The following LDLRAD3 variants were observed in gnomAD, a reference collection of about 807,000 sequenced individuals.
LDLRAD3 encodes the protein low density lipoprotein receptor class A domain containing 3.
In LDLRAD3, 20 loss-of-function variants were observed where a neutral mutation model predicts 29.4. The ratio of observed to expected loss-of-function variants is 0.68; its 90% CI spans 0.48 to 0.99. LDLRAD3 has a LOEUF of 0.99. Among genes scored for constraint, LDLRAD3 ranks in the 50% least tolerant of loss-of-function variants. The pLI, the probability that LDLRAD3 is intolerant of heterozygous loss-of-function variation, is 0.00. For missense variants in LDLRAD3, 420 were observed against 454.3 expected (o/e 0.92, Z 0.69); for synonymous variants, 157 against 192.7 (o/e 0.81, Z 1.53).
At chr11:36,040,210 G>A (rs1276476889) in intron 2 of LDLRAD3, among the ~76,000 whole-genome samples, 1 of 152,162 alleles carries the variant, frequency 6.6e-6, no homozygotes, top group African/African-American at 2.4e-5. Flanking sequence ...GCAAGAAAGA[G>A]CCTGGAGAGG....
At chr11:36,114,863 G>C (rs149231477) in intron 4 of LDLRAD3, among the ~76,000 whole-genome samples, 2 of 152,202 alleles carry the variant, frequency 1.3e-5, no homozygotes, top group African/African-American at 4.8e-5. Flanking sequence ...CAATTTTAAA[G>C]TACATCCACA....
At chr11:36,042,713 T>C (rs1399636936) in intron 2 of LDLRAD3, among the ~76,000 whole-genome samples, 1 of 152,216 alleles carries the variant, frequency 6.6e-6, no homozygotes, top group Non-Finnish European at 1.5e-5. Context: ...CCTAATCCAA[T>C]ACGACTGGAG....
chr11:36,090,341 A>G (rs929542261), intron 3 of LDLRAD3, among the ~76,000 whole-genome samples: 14 of 152,184 alleles, frequency 9.2e-5, no homozygotes, highest in Non-Finnish European at 7.3e-5. Context: ...CAGTAGGACC[A>G]CAGGAAGAGG....
chr11:36,191,570 C>CTA (rs1406416790), intron 4 of LDLRAD3, among the ~76,000 whole-genome samples: 49 of 78,280 alleles, frequency 6.3e-4, no homozygotes, highest in African/African-American at 8.4e-4. Context: ...CTCTCTCTCT[C>CTA]TCTCTCTATA....
At position 35,977,526 on chromosome 11, in the gene LDLRAD3, T is replaced by C. The variant is rs115829903; in HGVS notation, c.46+33382T>C. Among the ~76,000 whole-genome samples, 1,241 of 152,234 alleles carry C rather than the reference T, an allele frequency of 8.2e-3. 14 individuals carry two copies. Among genetic ancestry groups the C allele is most frequent in the African/African-American group, 0.028 (1,182 of 41,540 alleles). On this transcript the variant is annotated intron_variant, in intron 1 of 5. Transcript: ENST00000315571. Reference sequence around the variant, plus strand: ...TTCTGAAAACTTCACAGGGCTATTTTACAGAAAATATGATCATTCTCCCAA... The same window carrying C: ...TTCTGAAAACTTCACAGGGCTATTTCACAGAAAATATGATCATTCTCCCAA...
chr11:36,015,700 C>T (rs1314399898), intron 1 of LDLRAD3, among the ~76,000 whole-genome samples: 1 of 151,242 alleles, frequency 6.6e-6, no homozygotes, highest in Non-Finnish European at 1.5e-5. Context: ...ATCACAGATT[C>T]CTTTCTTCTG....
chr11:36,191,152 A>G (rs147655007), intron 4 of LDLRAD3, among the ~76,000 whole-genome samples: 2 of 152,294 alleles, frequency 1.3e-5, no homozygotes, highest in Non-Finnish European at 2.9e-5. Flanking sequence ...AAGGGCCATC[A>G]CAGGGTGGCG....
chr11:36,013,041 T>C (rs558494870), intron 1 of LDLRAD3, among the ~76,000 whole-genome samples: 12 of 152,252 alleles, frequency 7.9e-5, no homozygotes, highest in Non-Finnish European at 1.5e-4. Context: ...GTATTATATT[T>C]GGTATATTTA....
chr11:35,966,239 A>G (rs1365880766), intron 1 of LDLRAD3, among the ~76,000 whole-genome samples: 2 of 152,172 alleles, frequency 1.3e-5, no homozygotes, highest in Non-Finnish European at 2.9e-5. Flanking sequence ...AGCCTGGCCA[A>G]TATGGTGAAA....
intron 1 of LDLRAD3, among the ~76,000 whole-genome samples, chr11:35,947,467 G>T (rs996842081): frequency 1.3e-5 from 2 of 151,346 alleles, no homozygotes. Context: ...CCAAGATCGC[G>T]CCGCTGCACT....
intron 1 of LDLRAD3, among the ~76,000 whole-genome samples, chr11:35,995,185 A>C (rs985002097): frequency 7.2e-5 from 11 of 152,238 alleles, no homozygotes; most frequent in Non-Finnish European, 1.5e-4. Flanking sequence ...ATAGCCTTAA[A>C]AATGTATTTC....
intron 3 of LDLRAD3, among the ~76,000 whole-genome samples, chr11:36,084,820 G>C (rs1853171659): frequency 6.6e-6 from 1 of 152,176 alleles, no homozygotes; most frequent in Non-Finnish European, 1.5e-5. Flanking sequence ...TCACAGCTTT[G>C]AATCAGTGTG....
chr11:36,200,470 A>C (rs915238859), intron 4 of LDLRAD3, among the ~76,000 whole-genome samples: 3 of 152,116 alleles, frequency 2.0e-5, no homozygotes, highest in Non-Finnish European at 4.4e-5. Flanking sequence ...TCAACATATG[A>C]ATTGAGGGGG....
At chr11:36,222,663 C>T (rs1855445831) in intron 4 of LDLRAD3, among the ~76,000 whole-genome samples, 1 of 152,164 alleles carries the variant, frequency 6.6e-6, no homozygotes, top group African/African-American at 2.4e-5. Context: ...GTGTCAGCTG[C>T]TTGAGTGCCT....
intron 2 of LDLRAD3, among the ~76,000 whole-genome samples, chr11:36,071,419 A>G (rs1353322161): frequency 1.5e-5 from 1 of 64,640 alleles, no homozygotes; most frequent in Non-Finnish European, 3.6e-5. Flanking sequence ...ACGAGATAAT[A>G]TACAAGTGGG....
At chr11:35,980,040 A>G (rs1183953566) in intron 1 of LDLRAD3, among the ~76,000 whole-genome samples, 1 of 152,246 alleles carries the variant, frequency 6.6e-6, no homozygotes, top group Non-Finnish European at 1.5e-5. Flanking sequence ...TTAAAAATGA[A>G]GCCTTTTAAT....
chr11:36,049,221 T>A (rs568152276), intron 2 of LDLRAD3, among the ~76,000 whole-genome samples: 3 of 152,074 alleles, frequency 2.0e-5, no homozygotes, highest in Non-Finnish European at 4.4e-5. Flanking sequence ...TCAAAAAAAA[T>A]TTTCTCCTGG....
chr11:36,128,705 C>G (rs373544136), intron 4 of LDLRAD3, among the ~76,000 whole-genome samples: 2 of 151,974 alleles, frequency 1.3e-5, no homozygotes, highest in Admixed American at 1.3e-4. Flanking sequence ...AAAAATTAGC[C>G]TGGTGTGGTG....
At chr11:36,136,229 C>G (rs1327586288) in intron 4 of LDLRAD3, among the ~76,000 whole-genome samples, 2 of 152,134 alleles carry the variant, frequency 1.3e-5, no homozygotes, top group African/African-American at 4.8e-5. Flanking sequence ...GCCTGAGTGC[C>G]CACTGTGCAC....
Sources: allele counts gnomAD v4.1 joint callset (sites outside exome capture counted in the v4.1 genomes callset), GRCh38; gene constraint gnomAD v4.1.1; transcripts MANE v1.5; gene names NCBI Gene and HGNC (gene_info 2026-07-23, HGNC 2026-07-21).